The following PLCL2 variants were observed in gnomAD, a reference collection of about 807,000 sequenced individuals.
PLCL2 encodes the protein inactive phospholipase C-like protein 2.
A neutral mutation model predicts 79.6 loss-of-function variants in PLCL2; 4 were observed. The ratio of observed to expected loss-of-function variants is 0.05; its 90% CI spans 0.02 to 0.11. PLCL2 has a LOEUF of 0.11. Among genes scored for constraint, PLCL2 ranks in the 10% least tolerant of loss-of-function variants. The pLI is 1.00. For synonymous variants in PLCL2, 484 were observed against 457.7 expected, an observed-to-expected ratio of 1.06 and a Z score of -0.73; for missense variants, 895 against 1,291.0, an observed-to-expected ratio of 0.69 and a Z score of 4.70.
At chr3:16,977,616 G>A (rs752455274) in intron 1 of PLCL2, among the ~76,000 whole-genome samples, 11 of 152,136 alleles carry the variant, frequency 7.2e-5, no homozygotes, top group Non-Finnish European at 1.0e-4. Context: ...TAAGGTTCTA[G>A]AAGACAAGGT....
chr3:17,043,388 T>C (rs1173542181), intron 4 of PLCL2, among the ~76,000 whole-genome samples: 2 of 152,194 alleles, frequency 1.3e-5, no homozygotes, highest in Non-Finnish European at 2.9e-5. Flanking sequence ...CCTGACACTT[T>C]TTAGTACACT....
chr3:16,923,994 G>A (rs1217439988), intron 1 of PLCL2, among the ~76,000 whole-genome samples: 3 of 152,014 alleles, frequency 2.0e-5, no homozygotes, highest in African/African-American at 7.3e-5. Context: ...TTCTCTGTTT[G>A]GTAAGACATC....
intron 2 of PLCL2, among the ~76,000 whole-genome samples, chr3:17,014,188 AAC>A (rs1380145294): frequency 6.6e-6 from 1 of 152,256 alleles, no homozygotes; most frequent in Non-Finnish European, 1.5e-5. Flanking sequence ...GGGCAGACTC[AAC>A]AGAGAACAGT....
intron 3 of PLCL2, among the ~76,000 whole-genome samples, chr3:17,022,296 C>T (rs2064464190): frequency 6.6e-6 from 1 of 151,978 alleles, no homozygotes; most frequent in African/African-American, 2.4e-5. Context: ...AGTCTTTTTT[C>T]TTCCTATGCA....
chr3:16,893,094 A>G (rs1352456199), intron 1 of PLCL2, among the ~76,000 whole-genome samples: 1 of 152,230 alleles, frequency 6.6e-6, no homozygotes, highest in African/African-American at 2.4e-5. Context: ...GATGAAACCA[A>G]TGTGTACCTA....
At chr3:17,064,434 T>C (rs1270807006) in intron 4 of PLCL2, among the ~76,000 whole-genome samples, 4 of 152,144 alleles carry the variant, frequency 2.6e-5, no homozygotes, top group Admixed American at 2.6e-4. Context: ...ATTAAAATCC[T>C]TCTTCACCAC....
chr3:16,919,045 A>G (rs1697062581), intron 1 of PLCL2, among the ~76,000 whole-genome samples: 1 of 152,190 alleles, frequency 6.6e-6, no homozygotes, highest in Admixed American at 6.5e-5. Context: ...GTTGTTAACC[A>G]TAATACTTCG....
intron 1 of PLCL2, among the ~76,000 whole-genome samples, chr3:16,963,744 C>G (rs1038511542): frequency 1.3e-5 from 2 of 151,916 alleles, no homozygotes; most frequent in Admixed American, 6.6e-5. Context: ...TTATTATCAC[C>G]ATTGTACAAA....
intron 1 of PLCL2, among the ~76,000 whole-genome samples, chr3:16,999,712 T>C (rs975254494): frequency 6.6e-6 from 1 of 152,242 alleles, no homozygotes; most frequent in African/African-American, 2.4e-5. Context: ...TGAATTATTT[T>C]GTTCTACTCT....
chr3:16,953,228 A>T (rs755534486), intron 1 of PLCL2, among the ~76,000 whole-genome samples: 5 of 152,168 alleles, frequency 3.3e-5, no homozygotes, highest in Non-Finnish European at 7.4e-5. Flanking sequence ...TGCATACATC[A>T]CATGTAATGC....
At chr3:17,034,100 T>G (rs1327014858) in intron 3 of PLCL2, among the ~76,000 whole-genome samples, 1 of 152,194 alleles carries the variant, frequency 6.6e-6, no homozygotes, top group Non-Finnish European at 1.5e-5. Flanking sequence ...CTGGGGCCAC[T>G]TGTATGGAGT....
chr3:17,026,548 T>C (rs1444130098), intron 3 of PLCL2, among the ~76,000 whole-genome samples: 1 of 152,124 alleles, frequency 6.6e-6, no homozygotes, highest in Non-Finnish European at 1.5e-5. Context: ...CATACCATCA[T>C]TTATGTAATT....
intron 3 of PLCL2, among the ~76,000 whole-genome samples, chr3:17,024,307 GA>G (rs35576178): frequency 6.6e-6 from 1 of 152,060 alleles, no homozygotes; most frequent in South Asian, 2.1e-4. Context: ...CCAAGAGAGA[GA>G]AAAAGGAGGG....
At chr3:17,060,662 A>G (rs2064942361) in intron 4 of PLCL2, among the ~76,000 whole-genome samples, 1 of 152,112 alleles carries the variant, frequency 6.6e-6, no homozygotes, top group Non-Finnish European at 1.5e-5. Flanking sequence ...AGCTATCCAT[A>G]TTTTGTTCTC....
intron 3 of PLCL2, among the ~76,000 whole-genome samples, chr3:17,015,710 C>T (rs150194761): frequency 1.6e-4 from 25 of 152,296 alleles, no homozygotes; most frequent in African/African-American, 5.8e-4. Context: ...TCATCTGCTA[C>T]CTCCTCCACT....
At chr3:16,996,156 T>C (rs988080043) in intron 1 of PLCL2, among the ~76,000 whole-genome samples, 2 of 152,098 alleles carry the variant, frequency 1.3e-5, no homozygotes, top group Non-Finnish European at 1.5e-5. Context: ...TGAGTTGTTT[T>C]GAGGAATAGA....
In PLCL2 at chr3:17,090,102, T is replaced by C; in HGVS notation, c.*190T>C. ...CTGCGTGTGAAGGCAAATAAACTCT[T>C]TAACAGGCAATTATATTGCTGGCCA... is the stretch of plus-strand genomic sequence containing the variant. On this transcript the variant is annotated 3_prime_UTR_variant, in exon 6 of 6. Coordinates refer to ENST00000615277, the MANE Select transcript of PLCL2 (RefSeq NM_001144382.2). 1 of 1,299,858 alleles carries C rather than the reference T, an allele frequency of 7.7e-7. No homozygotes were observed. Among genetic ancestry groups the C allele is most frequent in the Non-Finnish European group, 9.8e-7 (1 of 1,024,832 alleles). The allele number at this position is 1,299,858 out of a possible 1,614,324, so 80.5% of individuals were successfully genotyped here.
chr3:17,010,411 A>G lies in PLCL2; in HGVS notation c.1065A>G (p.Lys355=). 2.5e-6 allele frequency: 4 copies of G among 1,613,672 alleles called. No individual in the cohort carries two copies. Among genetic ancestry groups the G allele is most frequent in the Non-Finnish European group, 3.4e-6 (4 of 1,179,640 alleles). The change falls in exon 2 of 6, where the codon AAA becomes AAG. Residue 355 remains lysine (K), a synonymous_variant. Transcript: ENST00000615277. This position sits in a 1 kb window ranked among gnomAD's most constrained non-coding sequence, Gnocchi z 5.8. The part of the protein sequence containing the change: ...YFLLVQFSSN[K]EFLDTKDLMM... ...TTTTAGTTCAGTTTTCAAGCAATAAAGAATTCCTTGATACCAAGGACCTTA... is the reference window on the plus strand; with the variant it reads ...TTTTAGTTCAGTTTTCAAGCAATAAGGAATTCCTTGATACCAAGGACCTTA...
intron 3 of PLCL2, among the ~76,000 whole-genome samples, chr3:17,040,476 A>G (rs561467369): frequency 6.6e-6 from 1 of 152,286 alleles, no homozygotes; most frequent in Admixed American, 6.5e-5. Context: ...TGAGTATTGG[A>G]AACATTGCCA....
Sources: gnomAD v4.1 joint callset for allele counts (sites outside exome capture counted in the v4.1 genomes callset) on GRCh38, gnomAD v4.1.1 for gene constraint, Gnocchi (gnomAD v3.1) non-coding constraint, MANE v1.5 for transcripts, NCBI Gene and HGNC (gene_info 2026-07-23, HGNC 2026-07-21) for gene names.